The following MRPS27 variants were observed in gnomAD, a reference collection of about 807,000 sequenced individuals.
The protein encoded by MRPS27 is mitochondrial ribosomal protein S27.
Under a neutral mutation model 48.9 loss-of-function variants are expected in MRPS27, and 43 were observed. That is an observed-to-expected ratio of 0.88 (90% CI 0.69 to 1.13). The LOEUF (loss-of-function observed/expected upper bound fraction) is 1.13. MRPS27 is among the 50% of genes most tolerant of loss of function. The pLI is 0.00. For synonymous variants in MRPS27, 188 were observed against 171.9 expected, an observed-to-expected ratio of 1.09 and a Z score of -0.73; for missense variants, 467 against 476.3, an observed-to-expected ratio of 0.98 and a Z score of 0.18.
intron 2 of MRPS27, among the ~76,000 whole-genome samples, chr5:72,301,667 T>C (rs1465721000): frequency 6.6e-6 from 1 of 152,244 alleles, no homozygotes; most frequent in South Asian, 2.1e-4. Context: ...GCATCTTTAG[T>C]CAAGTGAAAT....
At chr5:72,247,121 G>A (rs1374500672) in intron 4 of MRPS27, among the ~76,000 whole-genome samples, 1 of 152,064 alleles carries the variant, frequency 6.6e-6, no homozygotes. Flanking sequence ...CTGTCTACAG[G>A]GGCCAGTCAG....
chr5:72,225,967 G>T (rs965989780), intron 9 of MRPS27, 90 bp downstream of exon 9: 12 of 1,433,962 alleles, frequency 8.4e-6, no homozygotes, highest in Non-Finnish European at 1.1e-5. Context: ...AGAAAGTAGG[G>T]GTAGTGGAAA....
intron 4 of MRPS27, among the ~76,000 whole-genome samples, chr5:72,272,526 G>A (rs927342841): frequency 6.6e-6 from 1 of 152,194 alleles, no homozygotes; most frequent in Non-Finnish European, 1.5e-5. Flanking sequence ...CATTTCATGT[G>A]TGTTGTCACA....
chr5:72,287,590 G>T (rs1749706297), intron 4 of MRPS27, among the ~76,000 whole-genome samples: 1 of 152,232 alleles, frequency 6.6e-6, no homozygotes, highest in East Asian at 1.9e-4. Flanking sequence ...AGTGAGCCAA[G>T]ATCGTGCTAC....
chr5:72,307,925 T>C (rs766732158), intron 2 of MRPS27: 6 of 152,362 alleles, frequency 3.9e-5, no homozygotes, highest in East Asian at 1.9e-4. Context: ...GATCCTATGG[T>C]AGAATCTCAG....
intron 4 of MRPS27, among the ~76,000 whole-genome samples, chr5:72,244,214 A>C (rs4434362): frequency 0.06 from 9,088 of 152,164 alleles, 857 homozygotes; most frequent in African/African-American, 0.2. Flanking sequence ...GTGATGAGTA[A>C]GTAGATTTTT....
At chr5:72,307,119 C>A (rs1750291109) in intron 2 of MRPS27, among the ~76,000 whole-genome samples, 1 of 151,930 alleles carries the variant, frequency 6.6e-6, no homozygotes. Flanking sequence ...TTGGGGAGGC[C>A]GAGGTGGGCG....
intron 4 of MRPS27, among the ~76,000 whole-genome samples, chr5:72,267,082 C>T (rs185488180): frequency 1.5e-4 from 23 of 152,226 alleles, no homozygotes; most frequent in Non-Finnish European, 2.6e-4. Context: ...TGAGTGATTC[C>T]TACACAACTT....
chr5:72,224,198 T>TAA (rs758146277), intron 9 of MRPS27, among the ~76,000 whole-genome samples: 2 of 137,484 alleles, frequency 1.5e-5, no homozygotes, highest in South Asian at 4.7e-4. Context: ...CTCCATCACT[T>TAA]AAAAAAAAAA....
In MRPS27 at chr5:72,287,660, A is replaced by C. The variant is rs139204518; in HGVS notation, c.281+7871T>G. On this transcript the variant is annotated intron_variant, in intron 4 of 10. Coordinates refer to ENST00000261413, the MANE Select transcript of MRPS27 (RefSeq NM_015084.3). ...AATAAAAAACAAACAAACAAACAAA[A>C]AAAATTGACAAAAGATTCGAACACT... Among the ~76,000 whole-genome samples the C allele has an allele frequency of 7.3e-4, 111 of 152,220 alleles. 1 individual carries two copies. Among genetic ancestry groups the C allele is most frequent in the African/African-American group, 2.1e-3 (88 of 41,478 alleles).
chr5:72,306,802 A>G (rs536460941), intron 2 of MRPS27, among the ~76,000 whole-genome samples: 1 of 152,200 alleles, frequency 6.6e-6, no homozygotes, highest in African/African-American at 2.4e-5. Context: ...ATATAAAAAA[A>G]CCCCGATAAT....
At chr5:72,276,063 T>C (rs1561349972) in intron 4 of MRPS27, among the ~76,000 whole-genome samples, 1 of 151,800 alleles carries the variant, frequency 6.6e-6, no homozygotes, top group African/African-American at 2.4e-5. Context: ...GAATAAAAGA[T>C]TGAACAGATT....
chr5:72,246,875 T>C (rs2111975986), intron 4 of MRPS27, among the ~76,000 whole-genome samples: 1 of 152,350 alleles, frequency 6.6e-6, no homozygotes, highest in East Asian at 1.9e-4. Flanking sequence ...CTCAACTTAT[T>C]TGTAGGACAT....
At position 72,320,041 on chromosome 5, in the gene MRPS27, T is replaced by C. The variant is rs1405179312; in HGVS notation, c.73+108A>G. 18 of 1,160,536 alleles carry C rather than the reference T, an allele frequency of 1.6e-5. No individual in the cohort carries two copies. The Admixed American group carries it at 3.4e-4, about 22-fold the overall frequency. The allele number at this position is 1,160,536 out of a possible 1,614,324, so 71.9% of individuals were successfully genotyped here. A position where few individuals can be genotyped will look rare whatever the true frequency, so the allele number is the denominator to read the frequency against. On this transcript the variant is annotated intron_variant, in intron 1 of 10. Transcript: ENST00000261413. ...GCACTACCAAACACCCCAAATGGCG[T>C]CCCTAGCAATCAGATTCCAGAAACG...
At chr5:72,307,268 C>T (rs1293443292) in intron 2 of MRPS27, among the ~76,000 whole-genome samples, 2 of 152,150 alleles carry the variant, frequency 1.3e-5, no homozygotes, top group Non-Finnish European at 2.9e-5. Flanking sequence ...AGGAGAATCG[C>T]TTGAACCTGG....
intron 4 of MRPS27, among the ~76,000 whole-genome samples, chr5:72,281,268 G>A (rs182221130): frequency 2.0e-5 from 3 of 152,192 alleles, no homozygotes; most frequent in East Asian, 1.9e-4. Context: ...GCATTATAAC[G>A]TTATCAATTT....
intron 1 of MRPS27, among the ~76,000 whole-genome samples, chr5:72,318,399 T>C (rs1000418106): frequency 2.0e-5 from 3 of 152,210 alleles, no homozygotes; most frequent in African/African-American, 7.2e-5. Flanking sequence ...TATGCCTTCA[T>C]TCTAGCATAT....
chr5:72,273,091 C>A (rs1325847402), intron 4 of MRPS27, among the ~76,000 whole-genome samples: 1 of 152,104 alleles, frequency 6.6e-6, no homozygotes, highest in Non-Finnish European at 1.5e-5. Context: ...GCATTTTACT[C>A]CCATTTCTCC....
intron 4 of MRPS27, among the ~76,000 whole-genome samples, chr5:72,286,078 C>T (rs1237354576): frequency 6.6e-6 from 1 of 152,192 alleles, no homozygotes; most frequent in Non-Finnish European, 1.5e-5. Flanking sequence ...CCCTCATATT[C>T]CTTATAATCT....
Sources: allele counts gnomAD v4.1 joint callset (sites outside exome capture counted in the v4.1 genomes callset), GRCh38; gene constraint gnomAD v4.1.1; transcripts MANE v1.5; gene names NCBI Gene and HGNC (gene_info 2026-07-23, HGNC 2026-07-21).